Variants in RBFOX1 observed in about 807,000 individuals in gnomAD.
RBFOX1 encodes the protein RNA binding protein fox-1 homolog 1.
In RBFOX1, 8 loss-of-function variants were observed where a neutral mutation model predicts 57.7. The ratio of observed to expected loss-of-function variants is 0.14; its 90% confidence interval spans 0.08 to 0.25. RBFOX1 has a LOEUF of 0.25. Ranked by LOEUF, RBFOX1 falls within the 10% of genes least tolerant of loss-of-function variation. The pLI is 1.00. For missense variants in RBFOX1, 611 were observed against 548.5 expected, an observed-to-expected ratio of 1.11 and a Z score of -1.14; for synonymous variants, 326 against 222.4, an observed-to-expected ratio of 1.47 and a Z score of -4.15.
At chr16:7,583,467 C>A (rs1179477493) in intron 6 of RBFOX1, among the ~76,000 whole-genome samples, 1 of 152,098 alleles carries the variant, frequency 6.6e-6, no homozygotes, top group Admixed American at 6.6e-5. Context: ...TATATTGCAC[C>A]CTAAATAGAA....
At chr16:6,015,653 C>G (rs989006968), upstream of RBFOX1, among the ~76,000 whole-genome samples, 1 of 152,204 alleles carries the variant, frequency 6.6e-6, no homozygotes, top group Non-Finnish European at 1.5e-5. Context: ...TGCTGTTTTG[C>G]TTCAGGCACT....
At chr16:6,631,435 C>T (rs2098383807) in intron 2 of RBFOX1, among the ~76,000 whole-genome samples, 1 of 151,696 alleles carries the variant, frequency 6.6e-6, no homozygotes, top group Admixed American at 6.6e-5. Flanking sequence ...GGAAAGTTCC[C>T]AGTGACAGAG....
In RBFOX1 at chr16:7,055,102, A is replaced by G. The variant is rs368290282; in HGVS notation, c.27+3004A>G. On this transcript the variant is annotated intron_variant, in intron 4 of 15. Coordinates refer to ENST00000550418, the MANE Select transcript of RBFOX1 (RefSeq NM_018723.4). The stretch of plus-strand genomic sequence containing the variant: ...AAGGAGTCTTTAAAATGATCATATG[A>G]TTAATTTTAGGAAATACCATGTTAA... 3.9e-4 allele frequency among the ~76,000 whole-genome samples: 60 copies of G among 152,284 alleles called. 1 individual carries two copies. The South Asian group carries it at 0.012, about 31-fold the overall frequency.
intron 3 of RBFOX1, among the ~76,000 whole-genome samples, chr16:6,901,623 A>G (rs942266421): frequency 6.6e-6 from 1 of 152,220 alleles, no homozygotes; most frequent in Admixed American, 6.5e-5. Context: ...ACATTTTTGC[A>G]AAATCTGTTT....
At chr16:5,399,249 C>T (rs989766040) in intron 1 of RBFOX1, among the ~76,000 whole-genome samples, 11 of 152,138 alleles carry the variant, frequency 7.2e-5, no homozygotes, top group African/African-American at 2.7e-4. Context: ...CCGTTATTGC[C>T]ATTATTAACT....
At position 5,496,431 on chromosome 16, in the gene RBFOX1, T is replaced by C. The variant is rs541938379; in HGVS notation, c.258+29177T>C. ...GCCCAGCTCCTTCTCACTATTCAGC[T>C]TCATCTCGAATGTGTCCATCTCAGA... is the stretch of plus-strand genomic sequence containing the variant. On this transcript the variant is annotated intron_variant, in intron 2 of 2. Transcript: ENST00000585867. Among the ~76,000 whole-genome samples, 769 of 152,188 alleles carry C rather than the reference T, an allele frequency of 5.1e-3. 1 individual carries two copies. The highest frequency in any genetic ancestry group is 8.4e-3 in the Non-Finnish European group (568 of 68,016).
chr16:7,206,137 C>T (rs1279371518), intron 4 of RBFOX1, among the ~76,000 whole-genome samples: 1 of 152,162 alleles, frequency 6.6e-6, no homozygotes, highest in Non-Finnish European at 1.5e-5. Context: ...GAAACATAAT[C>T]TTGTACACAC....
At chr16:6,503,702 C>A (rs2096006811) in intron 2 of RBFOX1, among the ~76,000 whole-genome samples, 1 of 152,156 alleles carries the variant, frequency 6.6e-6, no homozygotes, top group African/African-American at 2.4e-5. Context: ...TTCATCCCTT[C>A]CATATGTTGC....
chr16:6,025,694 A>ATTG (rs2095177921), intron 1 of RBFOX1, among the ~76,000 whole-genome samples: 1 of 152,142 alleles, frequency 6.6e-6, no homozygotes, highest in African/African-American at 2.4e-5. Context: ...CCAGGGTAAT[A>ATTG]ACAGATATTG....
intron 2 of RBFOX1, among the ~76,000 whole-genome samples, chr16:6,468,345 T>C (rs575608417): frequency 6.6e-6 from 1 of 152,206 alleles, no homozygotes; most frequent in Non-Finnish European, 1.5e-5. Flanking sequence ...AACTTTAAGC[T>C]TGTGCCCCAC....
chr16:5,533,366 C>T (rs11076923), intron 2 of RBFOX1, among the ~76,000 whole-genome samples: 105,923 of 152,070 alleles, frequency 0.7, 37,452 homozygotes, highest in East Asian at 0.88. Flanking sequence ...ATAAATATTC[C>T]TGACGGCAGA....
chr16:6,485,119 A>G (rs1367509643), intron 2 of RBFOX1, among the ~76,000 whole-genome samples: 1 of 152,158 alleles, frequency 6.6e-6, no homozygotes, highest in Non-Finnish European at 1.5e-5. Flanking sequence ...GTTGTTTGTT[A>G]AGTAAGTGAA....
At chr16:5,790,920 G>A (rs567150742) in intron 3 of RBFOX1, among the ~76,000 whole-genome samples, 2 of 150,584 alleles carry the variant, frequency 1.3e-5, no homozygotes, top group Non-Finnish European at 3.0e-5. Flanking sequence ...TCAGGCTGGA[G>A]TGCAGTGGTG....
chr16:7,154,706 TGTG>T (rs2076752901), intron 4 of RBFOX1, among the ~76,000 whole-genome samples: 2 of 83,134 alleles, frequency 2.4e-5, no homozygotes, highest in Admixed American at 3.6e-4. Context: ...TGTGTGTGTG[TGTG>T]TGTGTGTGTG....
chr16:7,712,226 T>G lies in RBFOX1; in HGVS notation c.*1481T>G, dbSNP rs2084103271. 1 of 152,588 alleles carries G rather than the reference T, an allele frequency of 6.6e-6. No homozygotes were observed. The highest frequency in any genetic ancestry group is 2.1e-4 in the South Asian group (1 of 4,830). The allele number at this position is 152,588 out of a possible 1,614,324, so 9.5% of individuals were successfully genotyped here. On this transcript the variant is annotated 3_prime_UTR_variant, in exon 16 of 16. Coordinates refer to ENST00000550418, the MANE Select transcript of RBFOX1 (RefSeq NM_018723.4). ...CGGGTCTTCCTGTTTTGTATTTAAATAAAAACAACAGCAGCAGGCTGTCCC... is the reference window on the plus strand; with the variant it reads ...CGGGTCTTCCTGTTTTGTATTTAAAGAAAAACAACAGCAGCAGGCTGTCCC...
chr16:7,673,975 TGAA>T (rs1156989939), intron 13 of RBFOX1, among the ~76,000 whole-genome samples: 1 of 152,212 alleles, frequency 6.6e-6, no homozygotes, highest in African/African-American at 2.4e-5. Flanking sequence ...TGTGGAACCT[TGAA>T]GAAGTTCTGG....
chr16:5,412,457 C>A (rs1234864564), intron 1 of RBFOX1, among the ~76,000 whole-genome samples: 1 of 152,202 alleles, frequency 6.6e-6, no homozygotes, highest in African/African-American at 2.4e-5. Context: ...CTTTCAGGGA[C>A]TGTGGATGCT....
intron 3 of RBFOX1, among the ~76,000 whole-genome samples, chr16:5,674,671 A>T (rs1012139556): frequency 6.6e-6 from 1 of 152,202 alleles, no homozygotes; most frequent in African/African-American, 2.4e-5. Context: ...TTTTTGCACC[A>T]ACCTAATACG....
At chr16:5,266,997 C>A (rs2062875919) in intron 1 of RBFOX1, among the ~76,000 whole-genome samples, 2 of 152,002 alleles carry the variant, frequency 1.3e-5, no homozygotes, top group South Asian at 4.2e-4. Context: ...GAAAGCTGAT[C>A]ACCTTAATTT....
Sources: gnomAD v4.1 joint callset for allele counts (sites outside exome capture counted in the v4.1 genomes callset) on GRCh38, gnomAD v4.1.1 for gene constraint, MANE v1.5 for transcripts, NCBI Gene and HGNC (gene_info 2026-07-23, HGNC 2026-07-21) for gene names.